MLIP: variants seen among roughly 807,000 people sequenced by gnomAD.
MLIP encodes the protein muscular LMNA-interacting protein.
A neutral mutation model predicts 84.8 loss-of-function variants in MLIP; 79 were observed. The ratio of observed to expected loss-of-function variants is 0.93; its 90% CI spans 0.78 to 1.12. MLIP has a LOEUF of 1.12. MLIP is among the 50% of genes most tolerant of loss of function. The probability of loss-of-function intolerance (pLI) is 0.00; values close to 1 mark genes in which losing one functional copy is unlikely to be tolerated. For missense variants in MLIP, 1,257 were observed against 1,160.6 expected (o/e 1.08, Z -1.21); for synonymous variants, 504 against 463.0 (o/e 1.09, Z -1.14).
At position 54,138,274 on chromosome 6, in the gene MLIP, TAAG is replaced by T; in HGVS notation, c.2208_2210del (p.Lys737del). 1.3e-6 allele frequency: 2 copies of T among 1,533,054 alleles called. No homozygotes were observed. Among genetic ancestry groups the T allele is most frequent in the Non-Finnish European group, 1.7e-6 (2 of 1,144,512 alleles). The allele number at this position is 1,533,054 out of a possible 1,614,324, so 95.0% of individuals were successfully genotyped here. Reference sequence around the variant, plus strand: ...TGTCCATGTCAACAGGCCCAGAAAATAAGAAATCAAAGGTATTTTTTGCATGTT... The same window carrying T: ...TGTCCATGTCAACAGGCCCAGAAAATAAATCAAAGGTATTTTTTGCATGTT... On this transcript the variant is annotated inframe_deletion, in exon 4 of 14. Coordinates refer to ENST00000502396, the MANE Select transcript of MLIP (RefSeq NM_001281747.2).
intron 1 of MLIP, among the ~76,000 whole-genome samples, chr6:54,079,040 A>G (rs1196090191): frequency 6.6e-6 from 1 of 152,226 alleles, no homozygotes; most frequent in South Asian, 2.1e-4. Flanking sequence ...TATTTGGGAC[A>G]TATCTATACT....
At chr6:54,045,605 G>A (rs908714822) in intron 1 of MLIP, 1 of 152,174 alleles carries the variant, frequency 6.6e-6, no homozygotes, top group Non-Finnish European at 1.5e-5. Flanking sequence ...AGTGTTGGAA[G>A]AGGGACCTGG....
chr6:54,111,572 C>T lies in MLIP; in HGVS notation c.93C>T (p.Pro31=), dbSNP rs540100524. 10 of 1,535,924 alleles carry T rather than the reference C, an allele frequency of 6.5e-6. No homozygotes were observed. The East Asian group carries it at 7.3e-5, about 11-fold the overall frequency. ...TATCAGGGAGCATTCAGACCACACC[C>T]CAGGTAAAAGGAAGTCTTTGCTTAA... is the stretch of plus-strand genomic sequence containing the variant. ...CILSGSIQTT[P]QVSAGGSEAK... is the part of the protein sequence containing the mutation. The change falls in exon 1 of 14, where the codon CCC becomes CCT. Residue 31 remains proline (P), a synonymous_variant. Transcript: ENST00000502396.
intron 1 of MLIP, chr6:54,046,977 A>G (rs1765096436): frequency 6.6e-6 from 1 of 152,222 alleles, no homozygotes; most frequent in African/African-American, 2.4e-5. Flanking sequence ...ATAACTCTAA[A>G]TTTGGAAATA....
intron 1 of MLIP, among the ~76,000 whole-genome samples, chr6:54,103,701 A>G (rs1287452322): frequency 6.6e-6 from 1 of 152,198 alleles, no homozygotes; most frequent in Admixed American, 6.5e-5. Flanking sequence ...TGAGTCATGT[A>G]TTTCTATAAA....
At chr6:54,176,985 A>T (rs1776353369) in intron 9 of MLIP, among the ~76,000 whole-genome samples, 1 of 152,166 alleles carries the variant, frequency 6.6e-6, no homozygotes, top group Non-Finnish European at 1.5e-5. Context: ...GTGCTGGGAA[A>T]ATTGGCTAGC....
chr6:54,058,600 A>C (rs1765792695), intron 1 of MLIP, among the ~76,000 whole-genome samples: 1 of 152,238 alleles, frequency 6.6e-6, no homozygotes, highest in Admixed American at 6.5e-5. Flanking sequence ...GGAGGTAAAC[A>C]CAGACCATTT....
intron 11 of MLIP, chr6:54,203,917 G>A: frequency 6.6e-6 from 1 of 152,156 alleles, no homozygotes; most frequent in Non-Finnish European, 1.5e-5. Flanking sequence ...AAAATGAGGT[G>A]TTCAGATTAG....
At chr6:54,083,575 C>T (rs1385105790) in intron 1 of MLIP, 1 of 1,536,006 alleles carries the variant, frequency 6.5e-7, no homozygotes. Flanking sequence ...ACACGTGGCA[C>T]CGGATTCCAT....
chr6:54,172,159 T>C (rs887891985), intron 9 of MLIP, among the ~76,000 whole-genome samples: 1 of 151,636 alleles, frequency 6.6e-6, no homozygotes, highest in African/African-American at 2.4e-5. Context: ...TTTCTGAGAG[T>C]TCTTTAAAAG....
chr6:54,261,313 C>T (rs1459805127), intron 13 of MLIP, among the ~76,000 whole-genome samples: 2 of 151,982 alleles, frequency 1.3e-5, no homozygotes, highest in African/African-American at 4.8e-5. Context: ...TTTGTATTAC[C>T]TGCTACATGC....
chr6:54,265,996 T>A lies in MLIP; in HGVS notation c.*41T>A. 6.2e-7 allele frequency: 1 copy of A among 1,609,036 alleles called. No homozygotes were observed. Among genetic ancestry groups the A allele is most frequent in the Non-Finnish European group, 8.5e-7 (1 of 1,177,034 alleles). ...TGAAAACACAGGCTGCTGAAGTTTT[T>A]TGGAATGCTGGTGCTAACCACTTGC... is the stretch of plus-strand genomic sequence containing the variant. On this transcript the variant is annotated 3_prime_UTR_variant, in exon 14 of 14. Transcript: ENST00000502396.
intron 9 of MLIP, among the ~76,000 whole-genome samples, chr6:54,176,214 T>C (rs1340553402): frequency 6.6e-6 from 1 of 152,012 alleles, no homozygotes; most frequent in Non-Finnish European, 1.5e-5. Flanking sequence ...CTTTCTGGCT[T>C]TGGTATCAGG....
At chr6:54,191,999 A>G (rs555355410) in intron 10 of MLIP, among the ~76,000 whole-genome samples, 181 of 149,976 alleles carry the variant, frequency 1.2e-3, no homozygotes, top group Non-Finnish European at 1.6e-3. Flanking sequence ...ATATATGTGT[A>G]TATATATATA....
At chr6:54,209,657 T>G (rs1389305320) in intron 11 of MLIP, among the ~76,000 whole-genome samples, 1 of 152,100 alleles carries the variant, frequency 6.6e-6, no homozygotes, top group Non-Finnish European at 1.5e-5. Context: ...CCTCTTGAGT[T>G]TGTAGGAAGG....
At chr6:54,245,832 A>T (rs1197538053) in intron 12 of MLIP, among the ~76,000 whole-genome samples, 1 of 152,114 alleles carries the variant, frequency 6.6e-6, no homozygotes, top group Non-Finnish European at 1.5e-5. Context: ...ATGCAACAAA[A>T]TCTATTTTAA....
At chr6:54,109,416 T>C (rs1177407686), upstream of MLIP, among the ~76,000 whole-genome samples, 1 of 152,112 alleles carries the variant, frequency 6.6e-6, no homozygotes, top group Non-Finnish European at 1.5e-5. Context: ...CTCATCCACA[T>C]TTCACAGGTG....
intron 11 of MLIP, among the ~76,000 whole-genome samples, chr6:54,209,941 T>A (rs1254422541): frequency 6.6e-6 from 1 of 152,158 alleles, no homozygotes; most frequent in Non-Finnish European, 1.5e-5. Context: ...AAATTGTCAT[T>A]ACTTGTGTTT....
intron 5 of MLIP, among the ~76,000 whole-genome samples, chr6:54,160,101 T>A (rs908942040): frequency 6.6e-6 from 1 of 152,064 alleles, no homozygotes; most frequent in Non-Finnish European, 1.5e-5. Context: ...TAATAAATGA[T>A]GTTGAGAAAA....
Sources: allele counts gnomAD v4.1 joint callset (sites outside exome capture counted in the v4.1 genomes callset), GRCh38; gene constraint gnomAD v4.1.1; transcripts MANE v1.5; gene names NCBI Gene and HGNC (gene_info 2026-07-23, HGNC 2026-07-21).